HMGXB4: variants seen among roughly 807,000 people sequenced by gnomAD.
HMGXB4 encodes the protein HMG domain-containing protein 4.
In HMGXB4, 27 loss-of-function variants were observed where a neutral mutation model predicts 63.9. The ratio of observed to expected loss-of-function variants is 0.42; its 90% CI spans 0.31 to 0.58. HMGXB4 has a LOEUF of 0.58. Among genes scored for constraint, HMGXB4 ranks in the 20% least tolerant of loss-of-function variants. The pLI, the probability that HMGXB4 is intolerant of heterozygous loss-of-function variation, is 0.13. For synonymous variants in HMGXB4, 264 were observed against 265.3 expected (o/e 0.99, Z 0.05); for missense variants, 624 against 700.7 (o/e 0.89, Z 1.24).
At chr22:35,287,888 C>T (rs1438489661) in intron 8 of HMGXB4, among the ~76,000 whole-genome samples, 3 of 151,576 alleles carry the variant, frequency 2.0e-5, no homozygotes, top group African/African-American at 2.4e-5. Context: ...GTGGAGGTTG[C>T]GGTGAGCCGA....
Position 35,293,663 on chromosome 22 carries a change from C to T in HMGXB4, c.*12C>T. On this transcript the variant is annotated 3_prime_UTR_variant, in exon 11 of 11. Coordinates refer to ENST00000216106, the MANE Select transcript of HMGXB4 (RefSeq NM_001003681.3). ...TGCCGGGACTGTGACAGCAAAGAAT[C>T]CTGGGACAGAAACCTTATCCTACAC... The T allele has an allele frequency of 6.2e-7, 1 of 1,600,896 alleles. No homozygotes were observed. Among genetic ancestry groups the T allele is most frequent in the Non-Finnish European group, 8.6e-7 (1 of 1,167,960 alleles).
Position 35,265,037 on chromosome 22 carries a change from C to G in HMGXB4, c.649C>G (p.Gln217Glu), listed in dbSNP as rs1356839351. The G allele has an allele frequency of 6.2e-7, 1 of 1,613,690 alleles. No individual in the cohort carries two copies. The highest frequency in any genetic ancestry group is 8.5e-7 in the Non-Finnish European group (1 of 1,179,758). The change falls in exon 5 of 11, where the codon CAA becomes GAA. Residue 217 changes from glutamine to glutamate, a missense_variant. Gln to Glu is a conservative substitution (Grantham distance 29). Around this residue, in one of 2 missense-constraint regions of HMGXB4, gnomAD observed 472 missense variants for 470.6 expected, o/e 1.00. Transcript: ENST00000216106. ...GGAGTCTTTTCAATATCCCTCCCAA[C>G]AAGCGACTGTGAAAAAATCCTCAAA... Reference protein sequence around the residue: ...DEESFQYPSQQATVKKSSKKS... With the variant: ...DEESFQYPSQEATVKKSSKKS...
chr22:35,262,377 C>A lies in HMGXB4; in HGVS notation c.-14C>A. On this transcript the variant is annotated 5_prime_UTR_variant, in exon 2 of 11. Transcript: ENST00000216106. ...GACACAGTGACACATTCTCAAAGGC[C>A]CTGCAGGACCACCATGGCTTATGAT... 6.2e-7 allele frequency: 1 copy of A among 1,613,696 alleles called. No individual in the cohort carries two copies. Among genetic ancestry groups the A allele is most frequent in the Non-Finnish European group, 8.5e-7 (1 of 1,179,634 alleles).
chr22:35,272,705 G>A (rs1307626865), intron 5 of HMGXB4, among the ~76,000 whole-genome samples: 1 of 152,210 alleles, frequency 6.6e-6, no homozygotes, highest in Non-Finnish European at 1.5e-5. Flanking sequence ...GGAGGCCAAG[G>A]TGGGTGGATC....
intron 3 of HMGXB4, among the ~76,000 whole-genome samples, chr22:35,263,558 C>T (rs943492152): frequency 3.9e-5 from 6 of 152,210 alleles, no homozygotes; most frequent in African/African-American, 1.4e-4. Flanking sequence ...GCTGGGATTA[C>T]AGGCCTGGGC....
In HMGXB4 at chr22:35,293,630, T is replaced by C; in HGVS notation, c.1785T>C (p.Ala595=). The part of the protein sequence containing the change: ...QVLSNTLDNI[A]YIMPGL The stretch of plus-strand genomic sequence containing the variant: ...AGTCAAACACATTAGACAACATTGC[T>C]TACATCATGCCGGGACTGTGACAGC... The change falls in exon 11 of 11, where the codon GCT becomes GCC. Residue 595 remains alanine, a synonymous_variant. Transcript: ENST00000216106. 1 of 1,612,318 alleles carries C rather than the reference T, an allele frequency of 6.2e-7. No homozygotes were observed. Among genetic ancestry groups the C allele is most frequent in the Non-Finnish European group, 8.5e-7 (1 of 1,178,340 alleles).
At position 35,294,836 on chromosome 22, in the gene HMGXB4, T is replaced by C. The variant is rs1283071042; in HGVS notation, c.*1185T>C. The C allele has an allele frequency of 6.6e-6, 1 of 152,244 alleles. No individual in the cohort carries two copies. Among genetic ancestry groups the C allele is most frequent in the East Asian group, 1.9e-4 (1 of 5,186 alleles). 9.4% of individuals were successfully genotyped at this position (152,244 alleles called of 1,614,324 possible). A position where few individuals can be genotyped will look rare whatever the true frequency, so the allele number is the denominator to read the frequency against. ...TTCCTTCCCTGTTTCCTTCCCTCTT[T>C]CCTTCCTTCCTCCTGGTCTGTTCCA... On this transcript the variant is annotated 3_prime_UTR_variant, in exon 11 of 11. Coordinates refer to ENST00000216106, the MANE Select transcript of HMGXB4 (RefSeq NM_001003681.3).
At chr22:35,271,780 G>A (rs1328315333) in intron 5 of HMGXB4, among the ~76,000 whole-genome samples, 2 of 152,126 alleles carry the variant, frequency 1.3e-5, no homozygotes, top group Non-Finnish European at 2.9e-5. Flanking sequence ...GATACCTTAC[G>A]AACTACTAGT....
intron 9 of HMGXB4, among the ~76,000 whole-genome samples, chr22:35,291,760 C>T (rs569772275): frequency 7.9e-5 from 12 of 152,260 alleles, no homozygotes; most frequent in African/African-American, 2.9e-4. Flanking sequence ...CCCCATTTTA[C>T]AGAAGAATAA....
At chr22:35,290,705 T>G (rs1391949439) in intron 9 of HMGXB4, among the ~76,000 whole-genome samples, 8 of 152,028 alleles carry the variant, frequency 5.3e-5, no homozygotes, top group Non-Finnish European at 1.2e-4. Flanking sequence ...TAATCCACTT[T>G]TGGCCCGAAT....
upstream of HMGXB4, among the ~76,000 whole-genome samples, chr22:35,256,230 A>G (rs549521604): frequency 6.6e-6 from 1 of 152,344 alleles, no homozygotes; most frequent in African/African-American, 2.4e-5. Flanking sequence ...CTCGTCTTCA[A>G]GCACTCACCC....
chr22:35,282,197 A>G (rs1258089949), intron 5 of HMGXB4, among the ~76,000 whole-genome samples: 2 of 152,116 alleles, frequency 1.3e-5, no homozygotes, highest in Non-Finnish European at 2.9e-5. Flanking sequence ...TTGTTGTTGA[A>G]ACGGAGTCTC....
chr22:35,289,080 C>T (rs139494330), intron 9 of HMGXB4, among the ~76,000 whole-genome samples: 1,871 of 151,220 alleles, frequency 0.012, 39 homozygotes, highest in African/African-American at 0.043. Flanking sequence ...GCAGAGGTTG[C>T]AGTGAGTCAA....
chr22:35,245,794 C>T, the HMGXB4 span, among the ~76,000 whole-genome samples: 1 of 152,204 alleles, frequency 6.6e-6, no homozygotes, highest in African/African-American at 2.4e-5. Flanking sequence ...TTCCTCATTA[C>T]TGCTGCCCAA....
intron 5 of HMGXB4, among the ~76,000 whole-genome samples, chr22:35,271,225 T>C (rs1248411851): frequency 6.6e-6 from 1 of 151,384 alleles, no homozygotes; most frequent in Admixed American, 6.6e-5. Context: ...CAAGACCCTG[T>C]CTCAAAAAAA....
the HMGXB4 span, among the ~76,000 whole-genome samples, chr22:35,247,309 C>T: frequency 2.6e-5 from 4 of 152,218 alleles, no homozygotes; most frequent in African/African-American, 9.7e-5. Flanking sequence ...GAGTGCACCA[C>T]CAGATGTCCG....
Position 35,259,157 on chromosome 22 carries a change from G to T in HMGXB4, c.-69+1600G>T, listed in dbSNP as rs184359988. ...GCCCCCTCCTTTTTCATATCCTGAA[G>T]AAAAGTCCCCGAAGAGCTATTTAAC... On this transcript the variant is annotated intron_variant, in intron 1 of 10. Transcript: ENST00000216106. Among the ~76,000 whole-genome samples, 6 of 152,278 alleles carry T rather than the reference G, an allele frequency of 3.9e-5. No individual in the cohort carries two copies. In the East Asian group the frequency reaches 1.2e-3, roughly 29 times the overall value.
chr22:35,251,851 T>C, the HMGXB4 span, among the ~76,000 whole-genome samples: 1 of 152,192 alleles, frequency 6.6e-6, no homozygotes, highest in Non-Finnish European at 1.5e-5. Context: ...AGTTTCCATG[T>C]GTCCTTTTGT....
At chr22:35,263,287 A>G in intron 3 of HMGXB4, 61 bp downstream of exon 3, 1 of 1,376,316 alleles carries the variant, frequency 7.3e-7, no homozygotes, top group Non-Finnish European at 1.0e-6. Context: ...TTGGTGATGC[A>G]GAGTTTTTTT....
Sources: gnomAD v4.1 joint callset for allele counts (sites outside exome capture counted in the v4.1 genomes callset) on GRCh38, gnomAD v4.1.1 for gene constraint, gnomAD v4.1.1 regional missense constraint, MANE v1.5 for transcripts, NCBI Gene and HGNC (gene_info 2026-07-23, HGNC 2026-07-21) for gene names.